The following AARSD1 variants were observed in gnomAD, a reference collection of about 807,000 sequenced individuals.
AARSD1 encodes the protein alanyl-tRNA synthetase domain containing 1.
Under a neutral mutation model 48.7 loss-of-function variants are expected in AARSD1, and 44 were observed. The observed-to-expected ratio is 0.90, with a 90% CI of 0.71 to 1.16. The LOEUF is 1.16. Among genes scored for constraint, AARSD1 ranks in the 50% most tolerant of loss-of-function variants. AARSD1 has a pLI of 0.00. For synonymous variants in AARSD1, 189 were observed against 194.9 expected (o/e 0.97, Z 0.25); for missense variants, 511 against 523.1 (o/e 0.98, Z 0.23).
chr17:42,955,941 T>C lies in AARSD1; in HGVS notation c.695A>G (p.Lys232Arg). The C allele has an allele frequency of 6.2e-7, 1 of 1,614,140 alleles. No homozygotes were observed. Among genetic ancestry groups the C allele is most frequent in the Non-Finnish European group, 8.5e-7 (1 of 1,180,028 alleles). ...AAATATCAGGTTGGTTCTGTTCTTTTTCCCCTTCTCAGTGCCCAGAATCTT... is the reference window on the plus strand; with the variant it reads ...AAATATCAGGTTGGTTCTGTTCTTTCTCCCCTTCTCAGTGCCCAGAATCTT... The part of the protein sequence containing the change: ...VIKILGTEKG[K>R]KNRTNLIFLS... The change falls in exon 7 of 12, where the codon AAA becomes AGA. Residue 232 changes from lysine to arginine, a missense_variant. By Grantham distance (26) the Lys-to-Arg change is conservative. Transcript: ENST00000427569.
Position 42,951,776 on chromosome 17 carries a change from GC to G in AARSD1, c.1103+23del, listed in dbSNP as rs760100587. 2.2e-5 allele frequency: 35 copies of G among 1,611,612 alleles called. No individual in the cohort carries two copies. The East Asian group carries it at 7.8e-4, about 36-fold the overall frequency. On this transcript the variant is annotated intron_variant, in intron 11 of 11. Coordinates refer to ENST00000427569, the MANE Select transcript of AARSD1 (RefSeq NM_001261434.2). ...GTAGGATACAGGCTCTACTACATGT[GC>G]AAGAGAGTCCACAAAGAATTACCTG...
At position 42,956,381 on chromosome 17, in the gene AARSD1, CATCCCTCT is replaced by C. The variant is rs1567716166; in HGVS notation, c.546+15_546+22del. On this transcript the variant is annotated intron_variant, in intron 5 of 11. Coordinates refer to ENST00000427569, the MANE Select transcript of AARSD1 (RefSeq NM_001261434.2). Reference sequence around the variant, plus strand: ...TGATGAGGAATCATTCCGCAGAAACCATCCCTCTGGCTCTACCCTTACCTGCTCCACCT... The same window carrying C: ...TGATGAGGAATCATTCCGCAGAAACCGGCTCTACCCTTACCTGCTCCACCT... 4 of 1,614,036 alleles carry C rather than the reference CATCCCTCT, an allele frequency of 2.5e-6. No homozygotes were observed. The East Asian group carries it at 8.9e-5, about 36-fold the overall frequency.
chr17:42,953,818 GGT>G (rs778826708), intron 9 of AARSD1, 40 bp from the exon 10 acceptor site: 1 of 1,613,722 alleles, frequency 6.2e-7, no homozygotes, highest in South Asian at 1.1e-5. Context: ...AGGTTGGAGT[GGT>G]GGCTGTGAAA....
chr17:42,950,706 T>G lies in AARSD1; in HGVS notation c.1126A>C (p.Lys376Gln). 1.2e-6 allele frequency: 2 copies of G among 1,613,796 alleles called. No individual in the cohort carries two copies. Among genetic ancestry groups the G allele is most frequent in the Middle Eastern group, 3.3e-4 (2 of 6,060 alleles). Reference protein sequence around the residue: ...GPRVAEVLEGKGAGKKGRFQG... With the variant: ...GPRVAEVLEGQGAGKKGRFQG... ...AAACGGCCTTTCTTCCCTGCTCCTT[T>G]GCCTTCCAGGACCTCAGCCACCCTG... The change falls in exon 12 of 12, where the codon AAA (lysine) becomes CAA (glutamine). Residue 376 changes from lysine to glutamine, a missense_variant. Lys to Gln is a moderately conservative substitution (Grantham distance 53, BLOSUM62 1). Transcript: ENST00000427569.
intron 2 of AARSD1, chr17:42,962,357 C>T (rs888090219): frequency 1.2e-5 from 2 of 170,786 alleles, no homozygotes; most frequent in African/African-American, 2.5e-5. Context: ...CAACTGCTTA[C>T]AAAAGACTGT....
chr17:42,951,740 G>A (rs1486854537), intron 11 of AARSD1, 60 bp downstream of exon 11: 1 of 1,569,066 alleles, frequency 6.4e-7, no homozygotes, highest in African/African-American at 1.4e-5. Flanking sequence ...ACTCAGTAAA[G>A]GAATGTATTT....
Position 42,964,227 on chromosome 17 carries a change from G to A in AARSD1, c.50C>T (p.Thr17Ile). ...CTCCGCGGGACAGCAGGAGACCACG[G>A]TGGTGGTGAACTGAACAGAGAGGAA... ...RDSYAREFTT[T>I]VVSCCPAELQ... Residue 17 changes from threonine to isoleucine, a missense_variant, in exon 2 of 12, where the codon ACC becomes ATC. Transcript: ENST00000427569. 1 of 1,613,728 alleles carries A rather than the reference G, an allele frequency of 6.2e-7. No individual in the cohort carries two copies. Among genetic ancestry groups the A allele is most frequent in the Non-Finnish European group, 8.5e-7 (1 of 1,179,856 alleles).
At chr17:42,953,244 T>C (rs577848841) in intron 10 of AARSD1, among the ~76,000 whole-genome samples, 1 of 152,226 alleles carries the variant, frequency 6.6e-6, no homozygotes, top group South Asian at 2.1e-4. Flanking sequence ...CCTCCCAAAG[T>C]GCTGGAATTA....
intron 10 of AARSD1, among the ~76,000 whole-genome samples, chr17:42,953,402 G>C (rs117332117): frequency 6.6e-6 from 1 of 152,090 alleles, no homozygotes; most frequent in African/African-American, 2.4e-5. Context: ...GAGCCACCGC[G>C]ACCAGCCCAC....
chr17:42,951,893 T>C lies in AARSD1; in HGVS notation c.1010A>G (p.Glu337Gly). ...GCCCACAGTTAAGAACAGGAGGGTC[T>C]CCTAGGAGGTAAGACAAGGAGATAA... Reference protein sequence around the residue: ...NIIANEIGSEETLLFLTVGDE... With the variant: ...NIIANEIGSEGTLLFLTVGDE... The change falls in exon 11 of 12, where the codon GAG (glutamate) becomes GGG (glycine). Residue 337 changes from glutamate (E) to glycine (G), a missense_variant and splice_region_variant. Glu to Gly is a moderately conservative substitution (Grantham distance 98). Transcript: ENST00000427569. 6.2e-7 allele frequency: 1 copy of C among 1,613,430 alleles called. No individual in the cohort carries two copies. The highest frequency in any genetic ancestry group is 8.5e-7 in the Non-Finnish European group (1 of 1,179,588).
At chr17:42,962,385 A>G (rs2151943644) in intron 2 of AARSD1, 1 of 166,946 alleles carries the variant, frequency 6.0e-6, no homozygotes, top group East Asian at 1.9e-4. Context: ...CAAGAATACA[A>G]TGTAAACAAG....
chr17:42,955,436 CTTT>C (rs34063248), intron 7 of AARSD1: 3,207 of 280,126 alleles, frequency 0.011, no homozygotes, highest in South Asian at 0.02. Flanking sequence ...AGCACTTGAT[CTTT>C]TTTTTTTTTT....
intron 4 of AARSD1, among the ~76,000 whole-genome samples, 184 bp downstream of exon 4, chr17:42,956,954 A>G (rs531091163): frequency 0.014 from 1,703 of 118,654 alleles, 42 homozygotes; most frequent in African/African-American, 0.05. Context: ...AGCGTGAGCC[A>G]CTGCGCCTGG....
At chr17:42,956,148 G>A in intron 6 of AARSD1, 56 bp downstream of exon 6, 1 of 1,612,304 alleles carries the variant, frequency 6.2e-7, no homozygotes, top group Non-Finnish European at 8.5e-7. Flanking sequence ...AGCCCCATGT[G>A]ATCCCCTCTC....
chr17:42,952,758 C>T (rs1272091687), intron 10 of AARSD1, among the ~76,000 whole-genome samples: 2 of 151,286 alleles, frequency 1.3e-5, no homozygotes, highest in Non-Finnish European at 2.9e-5. Context: ...TAAGTAAAGC[C>T]AGAGGAAGAG....
At chr17:42,955,342 A>C in intron 7 of AARSD1, 118 bp from the exon 8 acceptor site, 1 of 1,287,958 alleles carries the variant, frequency 7.8e-7, no homozygotes, top group East Asian at 2.6e-5. Context: ...GGACCAGGAG[A>C]TATTCTGAGG....
rs548113611 is a variant in AARSD1 at position 42,960,898 on chromosome 17, G to GGACA, written c.331+293_331+294insTGTC. The stretch of plus-strand genomic sequence containing the variant: ...ACCAGGAGGGAGGGGAAGGCTTTTT[G>GGACA]TTTCATTTTGGACATTTTGAGTTTG... On this transcript the variant is annotated intron_variant, in intron 3 of 11. Transcript: ENST00000427569. 83 of 296,170 alleles carry GGACA rather than the reference G, an allele frequency of 2.8e-4. 2 individuals carry two copies. Among genetic ancestry groups the GGACA allele is most frequent in the Admixed American group, 1.7e-3 (31 of 18,644 alleles). The allele number at this position is 296,170 out of a possible 1,614,324, so 18.3% of individuals were successfully genotyped here. A position where few individuals can be genotyped will look rare whatever the true frequency, so the allele number is the denominator to read the frequency against.
intron 7 of AARSD1, chr17:42,955,436 CTTTTTTTTTTT>C: frequency 3.5e-6 from 1 of 283,892 alleles, no homozygotes; most frequent in Non-Finnish European, 6.5e-6. Flanking sequence ...AGCACTTGAT[CTTTTTTTTTTT>C]TTTTTTTTTG....
chr17:42,961,588 G>A (rs2049638581), intron 2 of AARSD1, among the ~76,000 whole-genome samples: 1 of 152,176 alleles, frequency 6.6e-6, no homozygotes, highest in Admixed American at 6.5e-5. Context: ...TGTAACTACA[G>A]CAACAAAAAT....
Sources: allele counts gnomAD v4.1 joint callset (sites outside exome capture counted in the v4.1 genomes callset), GRCh38; gene constraint gnomAD v4.1.1; transcripts MANE v1.5; gene names NCBI Gene and HGNC (gene_info 2026-07-23, HGNC 2026-07-21).